Variants in MSI2 observed in about 807,000 individuals in gnomAD.
The protein encoded by MSI2 is RNA-binding protein Musashi homolog 2.
MSI2 carries 17 observed loss-of-function variants against 45.6 expected under a neutral mutation model. That is an observed-to-expected ratio of 0.37 (90% confidence interval 0.26 to 0.56). The LOEUF is 0.56. MSI2 is among the 20% of genes least tolerant of loss of function. The pLI is 0.77. For synonymous variants in MSI2, 156 were observed against 158.2 expected (o/e 0.99, Z 0.11); for missense variants, 293 against 444.2 (o/e 0.66, Z 3.06).
chr17:57,510,334 T>C (rs2086325297), intron 6 of MSI2, among the ~76,000 whole-genome samples: 2 of 151,722 alleles, frequency 1.3e-5, no homozygotes, highest in South Asian at 4.1e-4. Flanking sequence ...TGATATTTTA[T>C]AACAAGATGC....
intron 6 of MSI2, among the ~76,000 whole-genome samples, chr17:57,494,126 A>G (rs1003687286): frequency 6.6e-6 from 1 of 152,182 alleles, no homozygotes; most frequent in Non-Finnish European, 1.5e-5. Flanking sequence ...ACCCCTTTTC[A>G]CAGGTAAGGA....
Position 57,627,426 on chromosome 17 carries a change from A to G in MSI2, c.727+123A>G, listed in dbSNP as rs977760316. 2 of 868,182 alleles carry G rather than the reference A, an allele frequency of 2.3e-6. No individual in the cohort carries two copies. The highest frequency in any genetic ancestry group is 1.7e-5 in the African/African-American group (1 of 59,874). 53.8% of individuals were successfully genotyped at this position (868,182 alleles called of 1,614,324 possible). A position where few individuals can be genotyped will look rare whatever the true frequency, so the allele number is the denominator to read the frequency against. ...GCATCCACTTGAAAATGACCTATACATGATAAATTTCAAATCCACTGAAGT... is the reference window on the plus strand; with the variant it reads ...GCATCCACTTGAAAATGACCTATACGTGATAAATTTCAAATCCACTGAAGT... On this transcript the variant is annotated intron_variant, in intron 10 of 13. Transcript: ENST00000284073. This position sits in a 1 kb window ranked among gnomAD's most constrained non-coding sequence, Gnocchi z 4.6.
Position 57,684,364 on chromosome 17 carries a change from A to G in MSI2, c.*4847A>G, listed in dbSNP as rs1913800394. Reference sequence around the variant, plus strand: ...TTTCCCTAGCACTGTGGCTGACCTCACCCTTACTTTTATACTTTAGTATGA... The same window carrying G: ...TTTCCCTAGCACTGTGGCTGACCTCGCCCTTACTTTTATACTTTAGTATGA... On this transcript the variant is annotated 3_prime_UTR_variant, in exon 14 of 14. Transcript: ENST00000284073. 1 of 184,344 alleles carries G rather than the reference A, an allele frequency of 5.4e-6. No individual in the cohort carries two copies. The highest frequency in any genetic ancestry group is 2.4e-5 in the African/African-American group (1 of 42,458). 11.4% of individuals were successfully genotyped at this position (184,344 alleles called of 1,614,324 possible). A position where few individuals can be genotyped will look rare whatever the true frequency, so the allele number is the denominator to read the frequency against.
intron 5 of MSI2, chr17:57,278,700 A>C (rs968490938): frequency 1.3e-5 from 2 of 148,250 alleles, no homozygotes; most frequent in African/African-American, 5.1e-5. Context: ...TTTTAATTTT[A>C]AGTTCCAGGA....
the MSI2 span, among the ~76,000 whole-genome samples, chr17:57,692,468 A>T: frequency 6.6e-6 from 1 of 152,206 alleles, no homozygotes; most frequent in Non-Finnish European, 1.5e-5. Context: ...GAGGGAATGA[A>T]AATAAGGGGA....
chr17:57,598,033 A>G (rs930608146), intron 8 of MSI2, among the ~76,000 whole-genome samples: 3 of 151,378 alleles, frequency 2.0e-5, no homozygotes, highest in African/African-American at 7.3e-5. Flanking sequence ...CATGCATAGC[A>G]TTTGCACACT....
chr17:57,399,069 G>A (rs1442267784), intron 5 of MSI2, among the ~76,000 whole-genome samples: 1 of 152,210 alleles, frequency 6.6e-6, no homozygotes, highest in Non-Finnish European at 1.5e-5. Flanking sequence ...AGGGCTTGAT[G>A]GAATTTTGCC....
downstream of MSI2, among the ~76,000 whole-genome samples, chr17:57,685,775 C>G (rs1050498757): frequency 2.0e-5 from 3 of 152,142 alleles, no homozygotes; most frequent in Non-Finnish European, 4.4e-5. Flanking sequence ...AGAGTATAAT[C>G]CCTGCTGCCC....
In MSI2 at chr17:57,652,985, C is replaced by T. The variant is rs184468844; in HGVS notation, c.790+824C>T. On this transcript the variant is annotated intron_variant, in intron 11 of 13. Coordinates refer to ENST00000284073, the MANE Select transcript of MSI2 (RefSeq NM_138962.4). This position sits in a 1 kb window ranked among gnomAD's most constrained non-coding sequence, Gnocchi z 4.1. Reference sequence around the variant, plus strand: ...CCTGGGCTCCCTCCCCACCCCTGCTCCCTGAACTGAGTGGTCATGGTTTGC... The same window carrying T: ...CCTGGGCTCCCTCCCCACCCCTGCTTCCTGAACTGAGTGGTCATGGTTTGC... Among the ~76,000 whole-genome samples the T allele has an allele frequency of 4.2e-3, 641 of 152,272 alleles. 15 individuals carry two copies. Among genetic ancestry groups the T allele is most frequent in the Admixed American group, 0.035 (538 of 15,302 alleles).
chr17:57,388,977 TC>T (rs1338654795), intron 5 of MSI2, among the ~76,000 whole-genome samples: 160 of 130,468 alleles, frequency 1.2e-3, no homozygotes, highest in Non-Finnish European at 2.2e-3. Context: ...TTCTTCTTCT[TC>T]TTCTTTTTTT....
At chr17:57,641,641 T>C (rs190116901) in intron 10 of MSI2, among the ~76,000 whole-genome samples, 11 of 152,190 alleles carry the variant, frequency 7.2e-5, no homozygotes, top group African/African-American at 2.7e-4. Context: ...GATGAGAGAG[T>C]GGCTCAAAAT....
At chr17:57,257,401 T>G in intron 2 of MSI2, 65 bp from the exon 3 acceptor site, 4 of 982,650 alleles carry the variant, frequency 4.1e-6, no homozygotes, top group Non-Finnish European at 6.1e-6. Flanking sequence ...TTGATCAAAA[T>G]TTGCATTGCT....
intron 6 of MSI2, among the ~76,000 whole-genome samples, chr17:57,476,705 A>G (rs965658512): frequency 3.3e-5 from 5 of 152,320 alleles, no homozygotes; most frequent in East Asian, 1.9e-4. Context: ...ACCAAACTAA[A>G]CACTTTGGAT....
chr17:57,282,617 T>G (rs137996243), intron 5 of MSI2, among the ~76,000 whole-genome samples: 471 of 152,096 alleles, frequency 3.1e-3, no homozygotes, highest in African/African-American at 0.011. Flanking sequence ...CCCTGTTCTG[T>G]TTTGTTAGGG....
intron 7 of MSI2, among the ~76,000 whole-genome samples, chr17:57,586,363 C>T (rs1321422129): frequency 6.6e-6 from 1 of 152,188 alleles, no homozygotes; most frequent in Non-Finnish European, 1.5e-5. Flanking sequence ...CTCTCTCTCT[C>T]TCTTTTCCCT....
At chr17:57,659,674 G>C (rs1227554708) in intron 11 of MSI2, among the ~76,000 whole-genome samples, 2 of 152,106 alleles carry the variant, frequency 1.3e-5, no homozygotes, top group Non-Finnish European at 2.9e-5. Flanking sequence ...TGTTTTTTAT[G>C]AGGGACACAC....
At chr17:57,438,993 A>T (rs1051919274) in intron 6 of MSI2, among the ~76,000 whole-genome samples, 12 of 151,982 alleles carry the variant, frequency 7.9e-5, no homozygotes, top group Non-Finnish European at 1.8e-4. Flanking sequence ...GTAGAAATGG[A>T]GTTTCACCAT....
chr17:57,337,750 AT>A (rs1346333811), intron 5 of MSI2, among the ~76,000 whole-genome samples: 1 of 152,170 alleles, frequency 6.6e-6, no homozygotes, highest in Non-Finnish European at 1.5e-5. Flanking sequence ...GTTCATATTT[AT>A]TTTTTAATTA....
chr17:57,596,238 G>GTACA lies in MSI2; in HGVS notation c.455-625_455-622dup, dbSNP rs545751081. 1.4e-4 allele frequency among the ~76,000 whole-genome samples: 22 copies of GTACA among 152,374 alleles called. No homozygotes were observed. In the South Asian group the frequency reaches 4.6e-3, roughly 32 times the overall value. On this transcript the variant is annotated intron_variant, in intron 7 of 13. Transcript: ENST00000284073. This position sits in a 1 kb window ranked among gnomAD's most constrained non-coding sequence, Gnocchi z 4.6. Reference sequence around the variant, plus strand: ...TCTAGCAAAGCCGGTCTCCAGCAGAGTACATACAGTGGATAGCTGACGGGC... The same window carrying GTACA: ...TCTAGCAAAGCCGGTCTCCAGCAGAGTACATACATACAGTGGATAGCTGACGGGC...
Sources: allele counts gnomAD v4.1 joint callset (sites outside exome capture counted in the v4.1 genomes callset), GRCh38; gene constraint gnomAD v4.1.1; non-coding constraint Gnocchi (gnomAD v3.1); transcripts MANE v1.5; gene names NCBI Gene and HGNC (gene_info 2026-07-23, HGNC 2026-07-21).